Variants in DPP10 observed in about 807,000 individuals in gnomAD.
DPP10 encodes dipeptidyl peptidase like 10, also known as inactive dipeptidyl peptidase 10.
DPP10 carries 33 observed loss-of-function variants against 120.9 expected under a neutral mutation model. The observed-to-expected ratio is 0.27, with a 90% CI of 0.21 to 0.37. DPP10 has a LOEUF of 0.37. Among genes scored for constraint, DPP10 ranks in the 10% least tolerant of loss-of-function variants. The pLI is 1.00. For synonymous variants in DPP10, 337 were observed against 326.1 expected (o/e 1.03, Z -0.36); for missense variants, 816 against 942.8 (o/e 0.87, Z 1.76).
chr2:115,018,849 C>T (rs192543088), intron 1 of DPP10, among the ~76,000 whole-genome samples: 1 of 152,120 alleles, frequency 6.6e-6, no homozygotes, highest in Non-Finnish European at 1.5e-5. Flanking sequence ...TATCCCAGAA[C>T]TTAAAGTATG....
intron 17 of DPP10, among the ~76,000 whole-genome samples, chr2:115,784,320 G>A (rs1450550498): frequency 6.6e-6 from 1 of 152,086 alleles, no homozygotes; most frequent in Non-Finnish European, 1.5e-5. Flanking sequence ...AAGTAGAATA[G>A]TGCATGGAGA....
At chr2:115,527,840 ATTTTT>A (rs894600629) in intron 5 of DPP10, among the ~76,000 whole-genome samples, 1 of 151,986 alleles carries the variant, frequency 6.6e-6, no homozygotes, top group Non-Finnish European at 1.5e-5. Context: ...AGAATGGTTA[ATTTTT>A]TTTAAGTGAC....
At chr2:115,270,854 G>C (rs894392192) in intron 1 of DPP10, among the ~76,000 whole-genome samples, 3 of 152,072 alleles carry the variant, frequency 2.0e-5, no homozygotes, top group Non-Finnish European at 4.4e-5. Context: ...TTTAGGATTG[G>C]AACTCCATTT....
At chr2:114,741,585 A>G (rs781281671) in intron 1 of DPP10, among the ~76,000 whole-genome samples, 2 of 152,196 alleles carry the variant, frequency 1.3e-5, no homozygotes, top group Non-Finnish European at 2.9e-5. Context: ...TTGAAATTCT[A>G]ACACTTGGTA....
intron 1 of DPP10, among the ~76,000 whole-genome samples, chr2:115,163,537 C>T (rs2052598722): frequency 6.6e-6 from 1 of 152,194 alleles, no homozygotes; most frequent in South Asian, 2.1e-4. Context: ...ACGTTCCTTC[C>T]TTTTATACCC....
intron 1 of DPP10, among the ~76,000 whole-genome samples, chr2:114,484,302 A>C (rs2104695513): frequency 6.6e-6 from 1 of 152,260 alleles, no homozygotes; most frequent in African/African-American, 2.4e-5. Flanking sequence ...GAGCTCAAAG[A>C]ATCAGAATGT....
chr2:115,378,045 T>G (rs1243503027), intron 3 of DPP10, among the ~76,000 whole-genome samples: 1 of 152,040 alleles, frequency 6.6e-6, no homozygotes, highest in Non-Finnish European at 1.5e-5. Context: ...GGCTGTTTTT[T>G]GGTTCCATAT....
chr2:114,660,186 C>T (rs945991049), intron 1 of DPP10, among the ~76,000 whole-genome samples: 1 of 152,252 alleles, frequency 6.6e-6, no homozygotes, highest in East Asian at 1.9e-4. Context: ...TGGGCTATAT[C>T]GTGTTTCCTG....
chr2:114,592,029 G>A (rs1375343311), intron 1 of DPP10, among the ~76,000 whole-genome samples: 2 of 151,654 alleles, frequency 1.3e-5, no homozygotes, highest in South Asian at 4.2e-4. Context: ...CATGCAGACA[G>A]TGTTGAGAAA....
At chr2:115,072,481 T>C (rs1707447665) in intron 1 of DPP10, among the ~76,000 whole-genome samples, 1 of 152,202 alleles carries the variant, frequency 6.6e-6, no homozygotes, top group Admixed American at 6.5e-5. Context: ...TTCAACATCG[T>C]TGCACTGACT....
intron 1 of DPP10, among the ~76,000 whole-genome samples, chr2:115,138,871 G>A (rs139178831): frequency 2.2e-4 from 34 of 152,204 alleles, no homozygotes; most frequent in African/African-American, 7.2e-4. Context: ...TTTAATTTAT[G>A]TGTATTTCCT....
chr2:114,588,082 T>C (rs1691153595), intron 1 of DPP10, among the ~76,000 whole-genome samples: 1 of 152,218 alleles, frequency 6.6e-6, no homozygotes, highest in Non-Finnish European at 1.5e-5. Context: ...CTTTTCCTCA[T>C]TGCTTTTGAA....
chr2:114,543,748 CT>C (rs1022619567), intron 1 of DPP10, among the ~76,000 whole-genome samples: 166 of 146,164 alleles, frequency 1.1e-3, no homozygotes, highest in African/African-American at 1.6e-3. Flanking sequence ...GGCCTGAACT[CT>C]TTTTTTTTTT....
At chr2:115,265,052 A>G (rs920177678) in intron 1 of DPP10, among the ~76,000 whole-genome samples, 5 of 152,122 alleles carry the variant, frequency 3.3e-5, no homozygotes, top group Non-Finnish European at 5.9e-5. Context: ...TGTACATTGC[A>G]CTTGAGTTTG....
At chr2:115,782,739 C>A (rs940915323) in intron 17 of DPP10, among the ~76,000 whole-genome samples, 1 of 152,036 alleles carries the variant, frequency 6.6e-6, no homozygotes, top group Admixed American at 6.6e-5. Flanking sequence ...TAAGTTATTC[C>A]TCCAGAATAA....
At chr2:115,203,007 G>T (rs796704126) in intron 1 of DPP10, among the ~76,000 whole-genome samples, 2 of 152,238 alleles carry the variant, frequency 1.3e-5, no homozygotes, top group African/African-American at 4.8e-5. Context: ...TGCTTATTTT[G>T]CATAGAAATA....
intron 1 of DPP10, among the ~76,000 whole-genome samples, chr2:115,197,716 T>A (rs1000715415): frequency 1.3e-5 from 2 of 152,190 alleles, no homozygotes; most frequent in African/African-American, 4.8e-5. Flanking sequence ...TACCTGTGAA[T>A]CTTGGCTGTA....
At chr2:115,596,435 C>A (rs1331358956) in intron 5 of DPP10, among the ~76,000 whole-genome samples, 2 of 151,906 alleles carry the variant, frequency 1.3e-5, no homozygotes, top group African/African-American at 4.8e-5. Flanking sequence ...AGCTCTTTTA[C>A]ATATTTTAGT....
At chr2:115,118,704 C>T (rs2049659604) in intron 1 of DPP10, among the ~76,000 whole-genome samples, 2 of 151,932 alleles carry the variant, frequency 1.3e-5, no homozygotes, top group Admixed American at 6.6e-5. Context: ...CTCAGTCTCC[C>T]AAGTAGCTGG....
Sources: gnomAD v4.1 joint callset for allele counts (sites outside exome capture counted in the v4.1 genomes callset) on GRCh38, gnomAD v4.1.1 for gene constraint, MANE v1.5 for transcripts, NCBI Gene and HGNC (gene_info 2026-07-23, HGNC 2026-07-21) for gene names.